The following LDAF1 variants were observed in gnomAD, a reference collection of about 807,000 sequenced individuals.
The protein encoded by LDAF1 is PROMETHIN.
LDAF1 carries 7 observed loss-of-function variants against 13.5 expected under a neutral mutation model. The ratio of observed to expected loss-of-function variants is 0.52; its 90% CI spans 0.29 to 0.97. The LOEUF is 0.97. LDAF1 is among the 50% of genes least tolerant of loss of function. LDAF1 has a pLI of 0.07. For synonymous variants in LDAF1, 69 were observed against 77.1 expected, an observed-to-expected ratio of 0.89 and a Z score of 0.55; for missense variants, 148 against 193.2, an observed-to-expected ratio of 0.77 and a Z score of 1.39.
At chr16:21,165,525 T>A in intron 2 of LDAF1, 1 of 931,158 alleles carries the variant, frequency 1.1e-6, no homozygotes, top group Non-Finnish European at 1.3e-6. Context: ...GTGTATTCCT[T>A]CTTTTGTCAT....
At position 21,177,019 on chromosome 16, in the gene LDAF1, TATTC is replaced by T. The variant is rs1319385067; in HGVS notation, c.405-2452_405-2449del. ...TCATAGCATAAATTTTAAAAATATC[TATTC>T]ATTTAAAAGGAACAATATTACCTGT... On this transcript the variant is annotated intron_variant, in intron 4 of 4. Transcript: ENST00000233047. The T allele has an allele frequency of 2.0e-5, 3 of 152,300 alleles. 1 individual carries two copies. The highest frequency in any genetic ancestry group is 6.8e-3 in the Middle Eastern group (2 of 294). 9.4% of individuals were successfully genotyped at this position (152,300 alleles called of 1,614,324 possible).
At chr16:21,173,729 G>A (rs1199534704) in intron 3 of LDAF1, among the ~76,000 whole-genome samples, 3 of 151,340 alleles carry the variant, frequency 2.0e-5, no homozygotes, top group African/African-American at 7.3e-5. Flanking sequence ...AAAAAAAAAA[G>A]ACAAAATGAG....
intron 1 of LDAF1, chr16:21,159,780 C>G (rs2092946991): frequency 6.4e-6 from 2 of 311,074 alleles, no homozygotes. Flanking sequence ...TCTCATCGGA[C>G]TCCCCAAACC....
chr16:21,158,997 C>T (rs2092927468), intron 1 of LDAF1, among the ~76,000 whole-genome samples: 1 of 151,990 alleles, frequency 6.6e-6, no homozygotes, highest in Non-Finnish European at 1.5e-5. Context: ...CCCCGCCACC[C>T]CCCAACACAC....
chr16:21,162,118 C>T (rs1045359186), intron 2 of LDAF1, among the ~76,000 whole-genome samples: 5 of 151,678 alleles, frequency 3.3e-5, no homozygotes, highest in Middle Eastern at 3.4e-3. Context: ...ATTGTGCCAC[C>T]GCACTCCAGC....
At chr16:21,161,568 A>G (rs117300329) in intron 2 of LDAF1, among the ~76,000 whole-genome samples, 2,270 of 152,316 alleles carry the variant, frequency 0.015, 20 homozygotes, top group Non-Finnish European at 0.023. Context: ...CGCACACAAT[A>G]CTTCCAATTA....
At chr16:21,175,022 C>T (rs180819612) in intron 4 of LDAF1, among the ~76,000 whole-genome samples, 55 of 152,242 alleles carry the variant, frequency 3.6e-4, no homozygotes, top group Middle Eastern at 3.4e-3. Context: ...GAAAGAACAG[C>T]GATCTACTTA....
At chr16:21,175,398 C>T (rs1314623554) in intron 4 of LDAF1, among the ~76,000 whole-genome samples, 3 of 151,396 alleles carry the variant, frequency 2.0e-5, no homozygotes, top group Non-Finnish European at 4.4e-5. Context: ...TTCCAAAGCC[C>T]TCTTAATCAA....
rs1275601913 is a variant in LDAF1 at position 21,170,459 on chromosome 16, C to T, written c.119C>T (p.Pro40Leu). The T allele has an allele frequency of 5.6e-6, 9 of 1,613,976 alleles. No homozygotes were observed. The highest frequency in any genetic ancestry group is 6.8e-6 in the Non-Finnish European group (8 of 1,180,036). ...NSKVVAFMKS[P>L]VGQYLDSHPF... ...CAGGTGGTGGCCTTTATGAAGTCTC[C>T]AGTGGGTCAGTACTTGGACAGCCAT... is the stretch of plus-strand genomic sequence containing the variant. The change falls in exon 3 of 5, where the codon CCA (proline) becomes CTA (leucine). Residue 40 changes from proline (P) to leucine (L), a missense_variant. By Grantham distance (98) the Pro-to-Leu change is moderately conservative (BLOSUM62 -3). Coordinates refer to ENST00000233047, the MANE Select transcript of LDAF1 (RefSeq NM_001301771.2).
intron 2 of LDAF1, among the ~76,000 whole-genome samples, chr16:21,167,696 G>GTTCTTTTTTTTTTTTTT (rs2093037554): frequency 1.1e-5 from 1 of 89,092 alleles, no homozygotes; most frequent in African/African-American, 4.4e-5. Context: ...CCTTAGGTTT[G>GTTCTTTTTTTTTTTTTT]TTTTTTTTTT....
chr16:21,170,699 T>A (rs2093079615), intron 3 of LDAF1, 94 bp downstream of exon 3: 2 of 1,445,962 alleles, frequency 1.4e-6, no homozygotes, highest in Non-Finnish European at 1.9e-6. Context: ...AGGGGCGGGG[T>A]CTTGTTATGT....
chr16:21,159,409 C>G (rs1345133949), intron 1 of LDAF1: 5 of 1,614,016 alleles, frequency 3.1e-6, no homozygotes, highest in African/African-American at 1.3e-5. Context: ...GAGGGGCGGC[C>G]AGTGTGAGCT....
In LDAF1 at chr16:21,174,165, G is replaced by A. The variant is rs921031240; in HGVS notation, c.404+17G>A. On this transcript the variant is annotated intron_variant, in intron 4 of 4. Coordinates refer to ENST00000233047, the MANE Select transcript of LDAF1 (RefSeq NM_001301771.2). ...TTCTCCCAGGTAAATACATGTCCAT[G>A]AAATAATTTATTTTTTTAATCTTTC... The A allele has an allele frequency of 3.8e-6, 6 of 1,587,188 alleles. No individual in the cohort carries two copies. The highest frequency in any genetic ancestry group is 5.1e-6 in the Non-Finnish European group (6 of 1,172,260).
At position 21,179,542 on chromosome 16, in the gene LDAF1, C is replaced by T; in HGVS notation, c.472C>T (p.Leu158Phe). The T allele has an allele frequency of 6.2e-7, 1 of 1,613,992 alleles. No individual in the cohort carries two copies. The highest frequency in any genetic ancestry group is 8.5e-7 in the Non-Finnish European group (1 of 1,179,904). ...PAMKSAEFEG[L>F]YQE ...CATGAAGTCTGCAGAATTCGAGGGG[C>T]TTTACCAGGAATGAGTGACTGCTCA... is the stretch of plus-strand genomic sequence containing the variant. Residue 158 changes from leucine (L) to phenylalanine (F), a missense_variant, in exon 5 of 5, where the codon CTT becomes TTT. By Grantham distance (22) the Leu-to-Phe change is conservative. Transcript: ENST00000233047.
rs960357822 is a variant in LDAF1, at chr16:21,168,883, ATTATATATTTATAT to A, written c.97-1535_97-1522del. Among the ~76,000 whole-genome samples, 96 of 134,626 alleles carry A rather than the reference ATTATATATTTATAT, an allele frequency of 7.1e-4. 2 individuals carry two copies. The South Asian group carries it at 0.015, about 21-fold the overall frequency. The allele number at this position is 134,626 out of a possible 152,430, so 88.3% of individuals were successfully genotyped here. ...TTTTATATTTATAATTATAATTTAT[ATTATATATTTATAT>A]TTATATATTTATATTTATTTATATT... On this transcript the variant is annotated intron_variant, in intron 2 of 4. Coordinates refer to ENST00000233047, the MANE Select transcript of LDAF1 (RefSeq NM_001301771.2).
intron 2 of LDAF1, among the ~76,000 whole-genome samples, chr16:21,169,774 G>T (rs1295575989): frequency 6.6e-6 from 1 of 152,148 alleles, no homozygotes; most frequent in Non-Finnish European, 1.5e-5. Flanking sequence ...GAGTGTGTTT[G>T]GCAGGAGAGC....
intron 4 of LDAF1, among the ~76,000 whole-genome samples, chr16:21,177,619 C>CTT (rs1025169859): frequency 0.024 from 2,729 of 115,824 alleles, 145 homozygotes; most frequent in African/African-American, 0.064. Flanking sequence ...TTAGCGAATT[C>CTT]TTTTTTTTTT....
At chr16:21,168,505 A>G (rs1321172380) in intron 2 of LDAF1, among the ~76,000 whole-genome samples, 1 of 146,640 alleles carries the variant, frequency 6.8e-6, no homozygotes, top group Non-Finnish European at 1.5e-5. Context: ...AATGCTTTTA[A>G]TAATTATAAT....
rs144207286 is a variant in LDAF1 at position 21,170,486 on chromosome 16, C to T, written c.146C>T (p.Pro49Leu). The change falls in exon 3 of 5, where the codon CCG (proline) becomes CTG (leucine). Residue 49 changes from proline (P) to leucine (L), a missense_variant. Coordinates refer to ENST00000233047, the MANE Select transcript of LDAF1 (RefSeq NM_001301771.2). ...GTGGGTCAGTACTTGGACAGCCATC[C>T]GTTTCTGGCCTTCACCTTGCTGGTG... ...SPVGQYLDSH[P>L]FLAFTLLVFI... 91 of 1,614,032 alleles carry T rather than the reference C, an allele frequency of 5.6e-5. No homozygotes were observed. Among genetic ancestry groups the T allele is most frequent in the African/African-American group, 9.3e-5 (7 of 74,906 alleles).
Sources: gnomAD v4.1 joint callset for allele counts (sites outside exome capture counted in the v4.1 genomes callset) on GRCh38, gnomAD v4.1.1 for gene constraint, MANE v1.5 for transcripts, NCBI Gene and HGNC (gene_info 2026-07-23, HGNC 2026-07-21) for gene names.